The following SRGAP3 variants were observed in gnomAD, a reference collection of about 807,000 sequenced individuals.
SRGAP3 encodes SLIT-ROBO Rho GTPase-activating protein 3.
SRGAP3 carries 39 observed loss-of-function variants against 121.1 expected under a neutral mutation model. That is an observed-to-expected ratio of 0.32 (90% CI 0.25 to 0.42). The LOEUF (loss-of-function observed/expected upper bound fraction) is 0.42. SRGAP3 is among the 10% of genes least tolerant of loss of function. SRGAP3 has a pLI of 1.00. For synonymous variants in SRGAP3, 601 were observed against 570.0 expected, an observed-to-expected ratio of 1.05 and a Z score of -0.77; for missense variants, 1,213 against 1,470.6, an observed-to-expected ratio of 0.82 and a Z score of 2.86.
chr3:9,176,789 C>G (rs1359276756), intron 1 of SRGAP3, among the ~76,000 whole-genome samples: 4 of 152,146 alleles, frequency 2.6e-5, no homozygotes, highest in Admixed American at 1.3e-4. Flanking sequence ...CACTCATCAC[C>G]AAGGAGATGG....
rs777416242 is a variant in SRGAP3, at chr3:8,990,809, G to A, written c.2589C>T (p.Ile863=). 1.9e-6 allele frequency: 3 copies of A among 1,576,138 alleles called. No homozygotes were observed. The highest frequency in any genetic ancestry group is 4.5e-5 in the East Asian group (2 of 44,296). ...TGTCGCCCCCGCTTCGGCGTCTGGG[G>A]ATGGCTGCTCCATCAGATCGTAACC... ...RVRLRSDGAA[I]PRRRSGGDTH... Residue 863 remains isoleucine (I), a synonymous_variant, in exon 21 of 22, where the codon ATC becomes ATT. Coordinates refer to ENST00000383836, the MANE Select transcript of SRGAP3 (RefSeq NM_014850.4).
chr3:9,262,555 A>AAAAAAAAAAAAAAAAAAAAAAAAAAAC (rs1259893017), intron 3 of SRGAP3, among the ~76,000 whole-genome samples: 1 of 149,654 alleles, frequency 6.7e-6, no homozygotes, highest in Non-Finnish European at 1.5e-5. Context: ...AAAAAAAAAA[A>AAAAAAAAAAAAAAAAAAAAAAAAAAAC]AGCAGTGGTT....
Position 9,340,232 on chromosome 3 carries a change from A to C in SRGAP3, n.215-9636T>G, listed in dbSNP as rs78685012. ...GTCTCTGACTCATTCTTTCCAGTTC[A>C]ATCTATTTTGTTTATAGATTTAATA... On this transcript the variant is annotated intron_variant and non_coding_transcript_variant, in intron 1 of 3. Transcript: ENST00000490889. 4.1e-3 allele frequency among the ~76,000 whole-genome samples: 617 copies of C among 152,306 alleles called. 16 individuals carry two copies. In the East Asian group the frequency reaches 0.062, roughly 15 times the overall value.
At chr3:9,265,192 C>A (rs1192064585) in intron 3 of SRGAP3, among the ~76,000 whole-genome samples, 2 of 152,062 alleles carry the variant, frequency 1.3e-5, no homozygotes, top group South Asian at 2.1e-4. Flanking sequence ...GGAAACTGGA[C>A]CCCTTCCTTA....
At chr3:9,297,961 G>A (rs1574981866) in intron 3 of SRGAP3, among the ~76,000 whole-genome samples, 1 of 152,018 alleles carries the variant, frequency 6.6e-6, no homozygotes, top group Middle Eastern at 3.5e-3. Context: ...GGAAGACTAT[G>A]TGAAGACCAA....
At chr3:9,309,101 C>G (rs1293260732) in intron 3 of SRGAP3, among the ~76,000 whole-genome samples, 3 of 152,174 alleles carry the variant, frequency 2.0e-5, no homozygotes, top group Middle Eastern at 3.2e-3. Context: ...TCAGGATGCT[C>G]CTTTTGGGGA....
chr3:9,015,479 C>T lies in SRGAP3; in HGVS notation c.1813+118G>A, dbSNP rs566285091. 2.7e-5 allele frequency: 36 copies of T among 1,337,288 alleles called. 1 individual carries two copies. The South Asian group carries it at 2.8e-4, about 10-fold the overall frequency. The allele number at this position is 1,337,288 out of a possible 1,614,324, so 82.8% of individuals were successfully genotyped here. Reference sequence around the variant, plus strand: ...CCGCTTTCAGTTCTACGAGGATGCACGTCACACTTCGCCTTTCATAATGTC... The same window carrying T: ...CCGCTTTCAGTTCTACGAGGATGCATGTCACACTTCGCCTTTCATAATGTC... On this transcript the variant is annotated intron_variant, in intron 15 of 21. Coordinates refer to ENST00000383836, the MANE Select transcript of SRGAP3 (RefSeq NM_014850.4).
chr3:9,335,534 A>G (rs536461361), intron 1 of SRGAP3, among the ~76,000 whole-genome samples: 89 of 152,296 alleles, frequency 5.8e-4, no homozygotes, highest in African/African-American at 2.0e-3. Flanking sequence ...ACAGGGAGCC[A>G]TATCAGGCTC....
intron 3 of SRGAP3, among the ~76,000 whole-genome samples, chr3:9,294,262 T>G (rs1217207734): frequency 6.6e-6 from 1 of 152,130 alleles, no homozygotes; most frequent in Non-Finnish European, 1.5e-5. Context: ...CTTAGCAAAC[T>G]AGTGCAGAAA....
Position 9,300,735 on chromosome 3 carries a change from G to T in SRGAP3, n.442+25275C>A, listed in dbSNP as rs554063555. ...TTTCATGATGTTTGAAGACATTTTTGGTTGTCATGCAACAGAGTGGGAGAA... is the reference window on the plus strand; with the variant it reads ...TTTCATGATGTTTGAAGACATTTTTTGTTGTCATGCAACAGAGTGGGAGAA... On this transcript the variant is annotated intron_variant and non_coding_transcript_variant, in intron 3 of 3. Coordinates refer to the SRGAP3 transcript ENST00000490889. Among the ~76,000 whole-genome samples, 22 of 152,298 alleles carry T rather than the reference G, an allele frequency of 1.4e-4. 1 individual carries two copies. The highest frequency in any genetic ancestry group is 5.3e-4 in the African/African-American group (22 of 41,560).
At chr3:9,229,662 G>A (rs1219929729) in intron 1 of SRGAP3, among the ~76,000 whole-genome samples, 1 of 152,142 alleles carries the variant, frequency 6.6e-6, no homozygotes, top group Non-Finnish European at 1.5e-5. Context: ...CTGAGGTCTG[G>A]CATCCTAACC....
At chr3:9,296,723 A>G (rs990157888) in intron 3 of SRGAP3, among the ~76,000 whole-genome samples, 3 of 152,236 alleles carry the variant, frequency 2.0e-5, no homozygotes, top group African/African-American at 7.2e-5. Context: ...AATAGGAAAC[A>G]TAATACTACC....
chr3:9,093,331 C>T lies in SRGAP3; in HGVS notation c.423+11349G>A, dbSNP rs142006581. Among the ~76,000 whole-genome samples the T allele has an allele frequency of 1.5e-4, 23 of 152,238 alleles. 1 individual carries two copies. The East Asian group carries it at 4.4e-3, about 29-fold the overall frequency. On this transcript the variant is annotated intron_variant, in intron 3 of 21. Coordinates refer to ENST00000383836, the MANE Select transcript of SRGAP3 (RefSeq NM_014850.4). Reference sequence around the variant, plus strand: ...GTTTGCATTGGCATTTCAAAAATGTCTCTACCTATGTATTCACCCATCTAT... The same window carrying T: ...GTTTGCATTGGCATTTCAAAAATGTTTCTACCTATGTATTCACCCATCTAT...
chr3:9,037,857 G>C (rs1944831896), intron 11 of SRGAP3: 1 of 662,652 alleles, frequency 1.5e-6, no homozygotes, highest in Non-Finnish European at 2.6e-6. Context: ...TCCATCGCCA[G>C]CCTGGAGGGG....
chr3:9,252,169 G>C (rs1954032543), upstream of SRGAP3, among the ~76,000 whole-genome samples: 1 of 152,100 alleles, frequency 6.6e-6, no homozygotes, highest in African/African-American at 2.4e-5. Context: ...CCTCTTCCTT[G>C]CTTCCTCACT....
At chr3:9,339,828 T>C (rs921333665) in intron 1 of SRGAP3, among the ~76,000 whole-genome samples, 2 of 152,184 alleles carry the variant, frequency 1.3e-5, no homozygotes, top group Non-Finnish European at 2.9e-5. Flanking sequence ...TGGGGCATGA[T>C]GCAGGAAGGC....
chr3:9,163,383 T>G (rs931134392), intron 1 of SRGAP3, among the ~76,000 whole-genome samples: 2 of 152,186 alleles, frequency 1.3e-5, no homozygotes, highest in Non-Finnish European at 2.9e-5. Flanking sequence ...TTTTCCAGTC[T>G]TCCCTCAAAA....
At chr3:9,091,795 T>C (rs1947768551) in intron 3 of SRGAP3, among the ~76,000 whole-genome samples, 1 of 152,170 alleles carries the variant, frequency 6.6e-6, no homozygotes, top group Non-Finnish European at 1.5e-5. Context: ...CCACCCTCTA[T>C]CCTGATCCTT....
At chr3:9,128,072 C>T (rs1949307746) in intron 1 of SRGAP3, among the ~76,000 whole-genome samples, 1 of 151,346 alleles carries the variant, frequency 6.6e-6, no homozygotes, top group African/African-American at 2.4e-5. Context: ...AAAAAAAATT[C>T]AGAATAAAGT....
Sources: gnomAD v4.1 joint callset for allele counts (sites outside exome capture counted in the v4.1 genomes callset) on GRCh38, gnomAD v4.1.1 for gene constraint, MANE v1.5 for transcripts, NCBI Gene and HGNC (gene_info 2026-07-23, HGNC 2026-07-21) for gene names.